The following EXOC6B variants were observed in gnomAD, a reference collection of about 807,000 sequenced individuals.
The protein encoded by EXOC6B is SEC15 homolog B.
A neutral mutation model predicts 113.5 loss-of-function variants in EXOC6B; 54 were observed. The ratio of observed to expected loss-of-function variants is 0.48; its 90% CI spans 0.38 to 0.60. The LOEUF (loss-of-function observed/expected upper bound fraction) is 0.60, where lower values mean the gene tolerates loss of function less well. Ranked by LOEUF, EXOC6B falls within the 20% of genes least tolerant of loss-of-function variation. The pLI is 0.00. For synonymous variants in EXOC6B, 357 were observed against 339.0 expected, an observed-to-expected ratio of 1.05 and a Z score of -0.58; for missense variants, 797 against 977.5, an observed-to-expected ratio of 0.82 and a Z score of 2.46.
chr2:72,264,296 C>T (rs554825316), intron 20 of EXOC6B, among the ~76,000 whole-genome samples: 9 of 152,248 alleles, frequency 5.9e-5, no homozygotes, highest in African/African-American at 1.4e-4. Flanking sequence ...TGAGGCCAGG[C>T]GCAGTGGCTC....
intron 20 of EXOC6B, among the ~76,000 whole-genome samples, chr2:72,307,161 G>GTTTTTTT (rs1553371308): frequency 7.8e-6 from 1 of 128,514 alleles, no homozygotes; most frequent in Admixed American, 7.3e-5. Flanking sequence ...GTATAGTCCA[G>GTTTTTTT]TTTTTTTTTT....
intron 20 of EXOC6B, among the ~76,000 whole-genome samples, chr2:72,313,403 A>C (rs867143967): frequency 1.3e-5 from 2 of 152,214 alleles, no homozygotes; most frequent in Non-Finnish European, 2.9e-5. Context: ...CATTACTTAT[A>C]TAACAAAAAA....
At chr2:72,752,861 G>A (rs1034201573) in intron 1 of EXOC6B, among the ~76,000 whole-genome samples, 5 of 151,482 alleles carry the variant, frequency 3.3e-5, no homozygotes, top group African/African-American at 1.2e-4. Flanking sequence ...CTATTCCCAC[G>A]GCTTCTATTA....
At chr2:72,473,851 G>A (rs577281839) in intron 17 of EXOC6B, among the ~76,000 whole-genome samples, 1 of 151,938 alleles carries the variant, frequency 6.6e-6, no homozygotes, top group Non-Finnish European at 1.5e-5. Context: ...CTTTACCAGT[G>A]AGTTTTATAC....
At chr2:72,619,135 A>G (rs1333561711) in intron 6 of EXOC6B, among the ~76,000 whole-genome samples, 1 of 152,048 alleles carries the variant, frequency 6.6e-6, no homozygotes, top group African/African-American at 2.4e-5. Context: ...TTCTCCTACC[A>G]CATGGAAAGC....
chr2:72,360,018 C>T (rs914677433), intron 19 of EXOC6B, among the ~76,000 whole-genome samples: 2 of 152,160 alleles, frequency 1.3e-5, no homozygotes, highest in African/African-American at 2.4e-5. Flanking sequence ...ATGCTGGCAC[C>T]ATGCTTCTTG....
intron 5 of EXOC6B, among the ~76,000 whole-genome samples, chr2:72,729,069 T>C (rs1680480049): frequency 1.3e-5 from 2 of 152,186 alleles, no homozygotes; most frequent in African/African-American, 2.4e-5. Context: ...TTCATCTTTG[T>C]TGAGCGAATA....
At chr2:72,280,973 C>T (rs1440829450) in intron 20 of EXOC6B, among the ~76,000 whole-genome samples, 1 of 151,868 alleles carries the variant, frequency 6.6e-6, no homozygotes, top group Non-Finnish European at 1.5e-5. Context: ...GGGCAGAAAG[C>T]CAAGCAGAAA....
At chr2:72,720,137 C>G (rs998682334) in intron 5 of EXOC6B, among the ~76,000 whole-genome samples, 1 of 151,538 alleles carries the variant, frequency 6.6e-6, no homozygotes, top group African/African-American at 2.4e-5. Context: ...CTCTAAAAAA[C>G]CAAAAATATA....
chr2:72,824,186 G>C (rs1300551728), intron 1 of EXOC6B, among the ~76,000 whole-genome samples: 1 of 152,078 alleles, frequency 6.6e-6, no homozygotes, highest in East Asian at 1.9e-4. Context: ...AAAAGTTTGA[G>C]ACCAGCCTGG....
intron 2 of EXOC6B, among the ~76,000 whole-genome samples, chr2:72,735,411 A>G (rs893964147): frequency 6.6e-6 from 1 of 152,208 alleles, no homozygotes. Flanking sequence ...ATTATATTTA[A>G]TTTCAGTTTT....
At chr2:72,439,894 A>AT (rs888147554) in intron 18 of EXOC6B, among the ~76,000 whole-genome samples, 8 of 151,286 alleles carry the variant, frequency 5.3e-5, no homozygotes, top group South Asian at 4.2e-4. Flanking sequence ...ACCTTTGGAT[A>AT]TTTTTTTTTA....
intron 19 of EXOC6B, among the ~76,000 whole-genome samples, chr2:72,368,536 C>T (rs1690783402): frequency 6.6e-6 from 1 of 152,186 alleles, no homozygotes; most frequent in African/African-American, 2.4e-5. Context: ...CATCCTGATA[C>T]TAAAGCCTGG....
chr2:72,665,184 C>T (rs1275817227), intron 6 of EXOC6B, among the ~76,000 whole-genome samples: 1 of 152,162 alleles, frequency 6.6e-6, no homozygotes, highest in African/African-American at 2.4e-5. Context: ...AACACAGGTG[C>T]AGTGCCAGTG....
intron 20 of EXOC6B, among the ~76,000 whole-genome samples, chr2:72,212,159 T>C (rs1014633206): frequency 1.3e-5 from 2 of 152,236 alleles, no homozygotes. Flanking sequence ...AGTTGGTGCC[T>C]GTCTCTGTAG....
intron 20 of EXOC6B, among the ~76,000 whole-genome samples, chr2:72,200,041 C>T (rs369548508): frequency 6.6e-6 from 1 of 152,104 alleles, no homozygotes; most frequent in African/African-American, 2.4e-5. Context: ...GGATTACAAG[C>T]GTGTGCCACC....
At chr2:72,707,419 CTTT>C (rs1299173430) in intron 6 of EXOC6B, among the ~76,000 whole-genome samples, 1 of 143,434 alleles carries the variant, frequency 7.0e-6, no homozygotes. Flanking sequence ...TTTTTCTTTT[CTTT>C]TTTTTTTTTG....
intron 5 of EXOC6B, among the ~76,000 whole-genome samples, chr2:72,723,777 G>C (rs1283216995): frequency 6.7e-6 from 1 of 148,874 alleles, no homozygotes; most frequent in Non-Finnish European, 1.5e-5. Flanking sequence ...AGCTACGAAA[G>C]CCTAACAAGG....
chr2:72,578,158 A>G (rs1248189777), intron 6 of EXOC6B, among the ~76,000 whole-genome samples: 1 of 152,004 alleles, frequency 6.6e-6, no homozygotes, highest in East Asian at 1.9e-4. Flanking sequence ...CCTCATTTCC[A>G]TCACACCTAA....
Sources: gnomAD v4.1 joint callset for allele counts (sites outside exome capture counted in the v4.1 genomes callset) on GRCh38, gnomAD v4.1.1 for gene constraint, MANE v1.5 for transcripts, NCBI Gene and HGNC (gene_info 2026-07-23, HGNC 2026-07-21) for gene names.